MRTFB: variants seen among roughly 807,000 people sequenced by gnomAD.
MRTFB encodes the protein myocardin related transcription factor B, also known as myocardin-related transcription factor B.
In MRTFB, 29 loss-of-function variants were observed where a neutral mutation model predicts 104.2. The observed-to-expected ratio is 0.28, with a 90% CI of 0.21 to 0.38. The LOEUF is 0.38. Ranked by LOEUF, MRTFB falls within the 10% of genes least tolerant of loss-of-function variation. MRTFB has a pLI of 1.00. For missense variants in MRTFB, 1,270 were observed against 1,341.6 expected, an observed-to-expected ratio of 0.95 and a Z score of 0.83; for synonymous variants, 535 against 519.5, an observed-to-expected ratio of 1.03 and a Z score of -0.41.
chr16:14,109,341 C>T (rs914253604), intron 2 of MRTFB, among the ~76,000 whole-genome samples: 2 of 151,918 alleles, frequency 1.3e-5, no homozygotes, highest in Admixed American at 6.6e-5. Context: ...ACTAAGCAAA[C>T]GGATGTACTC....
the MRTFB span, among the ~76,000 whole-genome samples, chr16:14,023,780 G>C: frequency 6.6e-6 from 1 of 152,050 alleles, no homozygotes; most frequent in Non-Finnish European, 1.5e-5. Context: ...GCTGGGCGTG[G>C]TTGCTCACGC....
intron 2 of MRTFB, among the ~76,000 whole-genome samples, chr16:14,108,013 A>T (rs1342986932): frequency 6.6e-6 from 1 of 151,426 alleles, no homozygotes; most frequent in Admixed American, 6.6e-5. Flanking sequence ...TCTACCAGGG[A>T]CCCCTTTTCT....
chr16:14,213,464 T>C, intron 5 of MRTFB, 81 bp from the exon 6 acceptor site: 1 of 1,004,358 alleles, frequency 1.0e-6, no homozygotes. Flanking sequence ...TATCGTTTAT[T>C]TAAATGGAAT....
intron 8 of MRTFB, among the ~76,000 whole-genome samples, chr16:14,227,145 T>A (rs1240796412): frequency 6.6e-6 from 1 of 152,070 alleles, no homozygotes; most frequent in East Asian, 1.9e-4. Flanking sequence ...CAAAATTTGA[T>A]CCCCATTGTT....
intron 8 of MRTFB, among the ~76,000 whole-genome samples, chr16:14,233,588 G>A (rs1027439178): frequency 6.6e-6 from 1 of 152,022 alleles, no homozygotes; most frequent in Non-Finnish European, 1.5e-5. Context: ...AGGAGTTCAA[G>A]ACCCAGCCTG....
intron 2 of MRTFB, among the ~76,000 whole-genome samples, chr16:14,099,580 G>T (rs2035583937): frequency 6.6e-6 from 1 of 151,260 alleles, no homozygotes; most frequent in Non-Finnish European, 1.5e-5. Context: ...GGCCTGACTG[G>T]TCAAGTGATC....
intron 9 of MRTFB, 136 bp downstream of exon 9, chr16:14,234,419 T>C: frequency 1.0e-6 from 1 of 997,888 alleles, no homozygotes; most frequent in Non-Finnish European, 1.4e-6. Flanking sequence ...AACTAAGCCA[T>C]GCAAAGACTT....
the MRTFB span, among the ~76,000 whole-genome samples, chr16:14,055,466 C>A: frequency 6.6e-6 from 1 of 152,182 alleles, no homozygotes. Flanking sequence ...GTCCAGGAAC[C>A]CACATTACAT....
intron 1 of MRTFB, among the ~76,000 whole-genome samples, chr16:14,077,096 A>G (rs1046889325): frequency 6.6e-6 from 1 of 152,216 alleles, no homozygotes; most frequent in Non-Finnish European, 1.5e-5. Flanking sequence ...GTATTTTGGT[A>G]TAAAGAAGGC....
the MRTFB span, among the ~76,000 whole-genome samples, chr16:14,031,694 T>A: frequency 1.3e-5 from 2 of 152,192 alleles, no homozygotes; most frequent in Admixed American, 6.5e-5. Flanking sequence ...AGGAGCATCA[T>A]GTGTGACAAT....
chr16:14,259,262 C>G (rs952706518), intron 16 of MRTFB, among the ~76,000 whole-genome samples: 3 of 140,030 alleles, frequency 2.1e-5, no homozygotes, highest in Non-Finnish European at 4.7e-5. Context: ...TGGTGAAACC[C>G]CCGTCTCTAC....
chr16:14,014,184 A>G, the MRTFB span, among the ~76,000 whole-genome samples: 1 of 152,148 alleles, frequency 6.6e-6, no homozygotes, highest in Admixed American at 6.5e-5. Flanking sequence ...TGCGTGGAGA[A>G]TGAAGTAAGA....
At chr16:14,205,830 G>A (rs1464455236) in intron 3 of MRTFB, among the ~76,000 whole-genome samples, 1 of 152,212 alleles carries the variant, frequency 6.6e-6, no homozygotes, top group Non-Finnish European at 1.5e-5. Context: ...AGGCTATGAT[G>A]TCAACCCAAT....
At chr16:14,126,060 G>T (rs2037093347) in intron 2 of MRTFB, among the ~76,000 whole-genome samples, 1 of 152,128 alleles carries the variant, frequency 6.6e-6, no homozygotes, top group South Asian at 2.1e-4. Context: ...AGTACATGGA[G>T]AAATTTATTT....
At chr16:14,256,110 C>CAA (rs201182839) in intron 15 of MRTFB, among the ~76,000 whole-genome samples, 1,667 of 73,362 alleles carry the variant, frequency 0.023, 17 homozygotes, top group Admixed American at 0.042. Flanking sequence ...GAGACTGTCT[C>CAA]AAAAAAAAAA....
chr16:14,146,340 G>A (rs1173493762), intron 3 of MRTFB, among the ~76,000 whole-genome samples: 1 of 152,164 alleles, frequency 6.6e-6, no homozygotes, highest in Non-Finnish European at 1.5e-5. Flanking sequence ...AATGACATTT[G>A]CCGTTCTTAT....
intron 8 of MRTFB, among the ~76,000 whole-genome samples, chr16:14,223,546 A>G (rs2041843930): frequency 6.6e-6 from 1 of 152,190 alleles, no homozygotes; most frequent in African/African-American, 2.4e-5. Flanking sequence ...TTAAACCCAA[A>G]CAAATTATGT....
the MRTFB span, among the ~76,000 whole-genome samples, chr16:13,998,352 C>T: frequency 6.6e-6 from 1 of 152,066 alleles, no homozygotes; most frequent in Non-Finnish European, 1.5e-5. Flanking sequence ...GGTAAACCTA[C>T]AGATGGAAAG....
At chr16:14,235,357 C>G (rs967874567) in intron 9 of MRTFB, among the ~76,000 whole-genome samples, 1 of 152,090 alleles carries the variant, frequency 6.6e-6, no homozygotes, top group African/African-American at 2.4e-5. Flanking sequence ...GCAACCATCC[C>G]CATGAAATCA....
Sources: gnomAD v4.1 joint callset for allele counts (sites outside exome capture counted in the v4.1 genomes callset) on GRCh38, gnomAD v4.1.1 for gene constraint, MANE v1.5 for transcripts, NCBI Gene and HGNC (gene_info 2026-07-23, HGNC 2026-07-21) for gene names.